STAG1: variants seen among roughly 807,000 people sequenced by gnomAD.
STAG1 encodes STAG1 cohesin complex component.
STAG1 carries 26 observed loss-of-function variants against 170.9 expected under a neutral mutation model. That is an observed-to-expected ratio of 0.15 (90% CI 0.11 to 0.21). STAG1 has a LOEUF of 0.21. Ranked by LOEUF, STAG1 falls within the 10% of genes least tolerant of loss-of-function variation. The pLI, the probability that STAG1 is intolerant of heterozygous loss-of-function variation, is 1.00. For synonymous variants in STAG1, 514 were observed against 497.7 expected, an observed-to-expected ratio of 1.03 and a Z score of -0.44; for missense variants, 964 against 1,509.5, an observed-to-expected ratio of 0.64 and a Z score of 5.99.
chr3:136,704,866 T>C (rs1943182092), intron 1 of STAG1, among the ~76,000 whole-genome samples: 1 of 139,942 alleles, frequency 7.1e-6, no homozygotes, highest in East Asian at 2.0e-4. Flanking sequence ...GAATGCATAG[T>C]GATAAAAGGG....
rs78845029 is a variant in STAG1 at position 136,460,156 on chromosome 3, G to A, written c.1313+4725C>T. Among the ~76,000 whole-genome samples, 1,073 of 152,124 alleles carry A rather than the reference G, an allele frequency of 7.1e-3. 20 individuals carry two copies. The highest frequency in any genetic ancestry group is 0.023 in the African/African-American group (967 of 41,514). ...AAAAAAGAATATCCAAATAAAATCAGAGACAGAAAAAGAGACATTACAATG... is the reference window on the plus strand; with the variant it reads ...AAAAAAGAATATCCAAATAAAATCAAAGACAGAAAAAGAGACATTACAATG... On this transcript the variant is annotated intron_variant, in intron 13 of 33. Coordinates refer to ENST00000383202, the MANE Select transcript of STAG1 (RefSeq NM_005862.3).
chr3:136,368,200 G>A (rs1290917821), intron 24 of STAG1, among the ~76,000 whole-genome samples: 1 of 152,132 alleles, frequency 6.6e-6, no homozygotes, highest in Non-Finnish European at 1.5e-5. Flanking sequence ...CCAAAATGTT[G>A]TGAAAGAACA....
At chr3:136,664,815 T>C (rs1941698746) in intron 1 of STAG1, among the ~76,000 whole-genome samples, 2 of 152,218 alleles carry the variant, frequency 1.3e-5, no homozygotes, top group African/African-American at 4.8e-5. Context: ...TCCAGTTACT[T>C]AAACAGACCA....
intron 5 of STAG1, among the ~76,000 whole-genome samples, chr3:136,550,819 G>A (rs541948682): frequency 1.3e-5 from 2 of 151,848 alleles, no homozygotes; most frequent in East Asian, 3.9e-4. Flanking sequence ...AAGGTTTTAA[G>A]AAGCAGTGGT....
intron 12 of STAG1, among the ~76,000 whole-genome samples, chr3:136,471,207 G>A (rs954834617): frequency 1.3e-5 from 2 of 151,752 alleles, no homozygotes; most frequent in African/African-American, 4.8e-5. Flanking sequence ...TCCAGCATGA[G>A]AAACATAGTA....
chr3:136,453,670 G>A (rs1049539360), intron 13 of STAG1, among the ~76,000 whole-genome samples: 5 of 150,232 alleles, frequency 3.3e-5, no homozygotes, highest in African/African-American at 1.2e-4. Context: ...AGGAACAAAC[G>A]ACAAAATCCC....
At chr3:136,342,177 A>G (rs940362351) in intron 30 of STAG1, among the ~76,000 whole-genome samples, 1 of 151,822 alleles carries the variant, frequency 6.6e-6, no homozygotes, top group African/African-American at 2.4e-5. Flanking sequence ...GCACCACCAC[A>G]CCCAGCTAAT....
In STAG1 at chr3:136,636,211, G is replaced by C. The variant is rs183351221; in HGVS notation, c.-83-5230C>G. 1.7e-3 allele frequency among the ~76,000 whole-genome samples: 254 copies of C among 151,764 alleles called. 1 individual carries two copies. In the Middle Eastern group the frequency reaches 0.024, roughly 14 times the overall value. ...TGCAGTGAGCCGAGACCACGCCATT[G>C]CACTCCAGCCTGGGCACCAAGAAAG... On this transcript the variant is annotated intron_variant, in intron 1 of 33. Transcript: ENST00000383202.
chr3:136,507,767 A>G (rs1933842246), intron 7 of STAG1, among the ~76,000 whole-genome samples: 1 of 152,200 alleles, frequency 6.6e-6, no homozygotes, highest in South Asian at 2.1e-4. Flanking sequence ...TTTATTCAAT[A>G]AGGAGTGAAT....
intron 9 of STAG1, among the ~76,000 whole-genome samples, chr3:136,485,106 A>T (rs1160616283): frequency 1.3e-5 from 2 of 152,008 alleles, no homozygotes; most frequent in African/African-American, 4.8e-5. Flanking sequence ...CCTCCCTCCT[A>T]TTATAATCTT....
intron 29 of STAG1, among the ~76,000 whole-genome samples, chr3:136,347,212 A>G (rs1328411231): frequency 6.6e-6 from 1 of 151,768 alleles, no homozygotes; most frequent in Non-Finnish European, 1.5e-5. Context: ...CCTGGCCAAC[A>G]TGGTGAACCC....
chr3:136,633,700 TC>T (rs1940423212), intron 1 of STAG1, among the ~76,000 whole-genome samples: 3 of 34,402 alleles, frequency 8.7e-5, no homozygotes, highest in Admixed American at 5.6e-4. Context: ...AGTTTCCATA[TC>T]AAAAAAAAAG....
chr3:136,679,922 T>C (rs969963344), intron 1 of STAG1, among the ~76,000 whole-genome samples: 5 of 151,356 alleles, frequency 3.3e-5, no homozygotes, highest in African/African-American at 1.2e-4. Context: ...AAAAGCATCA[T>C]GAAGTCAGGA....
intron 6 of STAG1, among the ~76,000 whole-genome samples, chr3:136,522,528 C>G (rs975215016): frequency 7.8e-6 from 1 of 128,268 alleles, no homozygotes; most frequent in African/African-American, 2.5e-5. Flanking sequence ...TAGAGTTCCT[C>G]TTGTTTTTTT....
intron 1 of STAG1, among the ~76,000 whole-genome samples, chr3:136,690,409 G>GT (rs1224217621): frequency 6.6e-6 from 1 of 152,148 alleles, no homozygotes; most frequent in Non-Finnish European, 1.5e-5. Flanking sequence ...ACTAATTTTT[G>GT]TATTTTTAGT....
intron 13 of STAG1, among the ~76,000 whole-genome samples, chr3:136,455,808 T>C (rs1173477642): frequency 6.6e-6 from 1 of 152,190 alleles, no homozygotes; most frequent in African/African-American, 2.4e-5. Context: ...CAGGATTAAG[T>C]TGCAGTACCC....
At chr3:136,375,349 A>G (rs1254111461) in intron 23 of STAG1, among the ~76,000 whole-genome samples, 2 of 152,184 alleles carry the variant, frequency 1.3e-5, no homozygotes, top group African/African-American at 2.4e-5. Context: ...ATTACAATAG[A>G]AAGATTTTGT....
chr3:136,564,280 G>C (rs1274257931), intron 5 of STAG1, among the ~76,000 whole-genome samples: 1 of 152,158 alleles, frequency 6.6e-6, no homozygotes, highest in African/African-American at 2.4e-5. Flanking sequence ...CAACAGATAA[G>C]ACATAAATAT....
At chr3:136,686,797 G>C (rs1232679645) in intron 1 of STAG1, among the ~76,000 whole-genome samples, 1 of 152,124 alleles carries the variant, frequency 6.6e-6, no homozygotes, top group Non-Finnish European at 1.5e-5. Context: ...TGTGTAGTAA[G>C]TAGAGGCAGC....
Sources: allele counts gnomAD v4.1 joint callset (sites outside exome capture counted in the v4.1 genomes callset), GRCh38; gene constraint gnomAD v4.1.1; transcripts MANE v1.5; gene names NCBI Gene and HGNC (gene_info 2026-07-23, HGNC 2026-07-21).